LHFPL3: variants seen among roughly 807,000 people sequenced by gnomAD.
LHFPL3 encodes LHFPL tetraspan subfamily member 3 protein.
Under a neutral mutation model 19.3 loss-of-function variants are expected in LHFPL3, and 5 were observed. That is an observed-to-expected ratio of 0.26 (90% CI 0.14 to 0.54). The LOEUF is 0.54. Ranked by LOEUF, LHFPL3 falls within the 20% of genes least tolerant of loss-of-function variation. The pLI is 0.94. For missense variants in LHFPL3, 249 were observed against 307.4 expected, an observed-to-expected ratio of 0.81 and a Z score of 1.42; for synonymous variants, 133 against 126.2, an observed-to-expected ratio of 1.05 and a Z score of -0.36.
At chr7:104,446,547 G>GT (rs1260201496) in intron 1 of LHFPL3, among the ~76,000 whole-genome samples, 1 of 151,960 alleles carries the variant, frequency 6.6e-6, no homozygotes, top group African/African-American at 2.4e-5. Flanking sequence ...AGATTTTCTA[G>GT]TTTTTTGTTT....
intron 1 of LHFPL3, among the ~76,000 whole-genome samples, chr7:104,612,516 C>A (rs183425916): frequency 6.6e-6 from 1 of 152,144 alleles, no homozygotes; most frequent in Non-Finnish European, 1.5e-5. Flanking sequence ...AAAGACATCT[C>A]ATAAATTTTT....
At chr7:104,612,054 C>T (rs554012047) in intron 1 of LHFPL3, among the ~76,000 whole-genome samples, 1 of 152,332 alleles carries the variant, frequency 6.6e-6, no homozygotes, top group Admixed American at 6.5e-5. Flanking sequence ...AACAACTACT[C>T]TTCCATTATT....
At chr7:104,714,164 C>T (rs929691775) in intron 1 of LHFPL3, among the ~76,000 whole-genome samples, 1 of 152,206 alleles carries the variant, frequency 6.6e-6, no homozygotes, top group African/African-American at 2.4e-5. Context: ...ACACTTAGTA[C>T]ACTGACTTCT....
At chr7:104,750,162 T>C (rs563921056) in intron 2 of LHFPL3, among the ~76,000 whole-genome samples, 2 of 152,142 alleles carry the variant, frequency 1.3e-5, no homozygotes, top group Non-Finnish European at 2.9e-5. Flanking sequence ...TTTGATACAC[T>C]TCTGAGGCTG....
intron 2 of LHFPL3, among the ~76,000 whole-genome samples, chr7:104,740,489 T>C (rs1013295289): frequency 5.3e-5 from 8 of 152,226 alleles, no homozygotes; most frequent in Admixed American, 5.2e-4. Flanking sequence ...ACTGTATTAG[T>C]CTGTTCTCAC....
chr7:104,363,428 G>A (rs899270537), intron 1 of LHFPL3, among the ~76,000 whole-genome samples: 8 of 152,226 alleles, frequency 5.3e-5, no homozygotes, highest in Admixed American at 1.3e-4. Flanking sequence ...CTGCAGTAAC[G>A]GAGAATTCCT....
chr7:104,730,064 G>A (rs1404947488), intron 1 of LHFPL3, among the ~76,000 whole-genome samples: 1 of 152,130 alleles, frequency 6.6e-6, no homozygotes, highest in Admixed American at 6.6e-5. Context: ...TCCCTACAAA[G>A]GACATGAACT....
chr7:104,470,198 G>A, intron 1 of LHFPL3: 6 of 393,154 alleles, frequency 1.5e-5, no homozygotes, highest in Admixed American at 5.8e-5. Context: ...TCAAAAGCAA[G>A]AAATGGAAAA....
intron 2 of LHFPL3, among the ~76,000 whole-genome samples, chr7:104,775,210 G>A (rs938693177): frequency 6.6e-6 from 1 of 152,150 alleles, no homozygotes. Flanking sequence ...TGGCCAACAT[G>A]GTGAAACCCC....
chr7:104,772,779 G>A (rs1794575835), intron 2 of LHFPL3, among the ~76,000 whole-genome samples: 1 of 152,228 alleles, frequency 6.6e-6, no homozygotes, highest in African/African-American at 2.4e-5. Flanking sequence ...TACTCTCGAG[G>A]CAGGCAAACT....
intron 1 of LHFPL3, among the ~76,000 whole-genome samples, chr7:104,603,137 C>CTTT (rs1562947544): frequency 4.5e-3 from 137 of 30,588 alleles, no homozygotes; most frequent in East Asian, 8.9e-3. Flanking sequence ...TTTCTTTTTT[C>CTTT]CCTTCCTTCC....
chr7:104,500,970 T>A (rs1793588818), intron 1 of LHFPL3, among the ~76,000 whole-genome samples: 1 of 152,216 alleles, frequency 6.6e-6, no homozygotes, highest in African/African-American at 2.4e-5. Context: ...GCAGCTTTAC[T>A]CTCTAGCTTA....
intron 1 of LHFPL3, among the ~76,000 whole-genome samples, chr7:104,603,231 T>C (rs1367931323): frequency 6.6e-6 from 1 of 151,452 alleles, no homozygotes; most frequent in Non-Finnish European, 1.5e-5. Flanking sequence ...GGTCTTGCTT[T>C]GTTGCCCCAG....
intron 1 of LHFPL3, among the ~76,000 whole-genome samples, chr7:104,417,752 A>T (rs1212890674): frequency 8.1e-6 from 1 of 123,648 alleles, no homozygotes; most frequent in African/African-American, 3.2e-5. Context: ...AGACATAACT[A>T]ATATGCAGTA....
intron 2 of LHFPL3, among the ~76,000 whole-genome samples, chr7:104,849,583 G>C (rs952077797): frequency 1.3e-5 from 2 of 152,246 alleles, no homozygotes; most frequent in Admixed American, 6.5e-5. Context: ...ATGTATACCT[G>C]GGAGCCTTCA....
chr7:104,797,802 G>A (rs1256010871), intron 2 of LHFPL3, among the ~76,000 whole-genome samples: 1 of 151,972 alleles, frequency 6.6e-6, no homozygotes, highest in Admixed American at 6.5e-5. Flanking sequence ...TGTAGTCTCA[G>A]CTACTTGGGG....
intron 1 of LHFPL3, among the ~76,000 whole-genome samples, chr7:104,360,106 C>T (rs1790361980): frequency 1.3e-5 from 2 of 152,152 alleles, no homozygotes; most frequent in African/African-American, 4.8e-5. Flanking sequence ...CAGTTATTCC[C>T]AGAGCTAGTC....
At position 104,440,306 on chromosome 7, in the gene LHFPL3, C is replaced by T. The variant is rs547078286; in HGVS notation, c.445+111082C>T. ...GAAACCATCATTCTCAGCAAACTAT[C>T]GCCAAGAACAAAAAACCAAACACTG... On this transcript the variant is annotated intron_variant, in intron 1 of 2. Coordinates refer to ENST00000424859, the MANE Select transcript of LHFPL3 (RefSeq NM_199000.3). 5.3e-5 allele frequency among the ~76,000 whole-genome samples: 8 copies of T among 151,966 alleles called. No individual in the cohort carries two copies. The East Asian group carries it at 9.7e-4, about 18-fold the overall frequency.
intron 2 of LHFPL3, among the ~76,000 whole-genome samples, chr7:104,820,972 T>G (rs1384979581): frequency 1.3e-5 from 2 of 152,114 alleles, no homozygotes; most frequent in Non-Finnish European, 2.9e-5. Flanking sequence ...CTGCTTAAGC[T>G]TGGACTGCGT....
Sources: gnomAD v4.1 joint callset for allele counts (sites outside exome capture counted in the v4.1 genomes callset) on GRCh38, gnomAD v4.1.1 for gene constraint, MANE v1.5 for transcripts, NCBI Gene and HGNC (gene_info 2026-07-23, HGNC 2026-07-21) for gene names.